Variants in IL1RAPL2 observed in about 807,000 individuals in gnomAD.
IL1RAPL2 encodes the protein interleukin 1 receptor accessory protein like 2.
A neutral mutation model predicts 44.1 loss-of-function variants in IL1RAPL2; 3 were observed. The ratio of observed to expected loss-of-function variants is 0.07; its 90% CI spans 0.03 to 0.18. IL1RAPL2 has a LOEUF of 0.18. IL1RAPL2 is among the 10% of genes least tolerant of loss of function. The pLI, the probability that IL1RAPL2 is intolerant of heterozygous loss-of-function variation, is 1.00. For synonymous variants in IL1RAPL2, 181 were observed against 178.8 expected (o/e 1.01, Z -0.10); for missense variants, 391 against 496.4 (o/e 0.79, Z 2.02).
intron 2 of IL1RAPL2, among the ~76,000 whole-genome samples, chrX:105,051,065 C>T (rs965460878): frequency 2.9e-4 from 33 of 112,661 alleles, no homozygotes; most frequent in African/African-American, 1.0e-3. Flanking sequence ...GTCCCCATTC[C>T]AGTGGGTCTG....
chrX:105,187,957 T>G (rs1444199327), intron 2 of IL1RAPL2, among the ~76,000 whole-genome samples: 1 of 111,595 alleles, frequency 9.0e-6, no homozygotes, highest in African/African-American at 3.3e-5. Flanking sequence ...CATAGAAACA[T>G]CATGTCATAT....
intron 3 of IL1RAPL2, among the ~76,000 whole-genome samples, chrX:105,197,631 C>T (rs2033682798): frequency 9.0e-6 from 1 of 111,536 alleles, no homozygotes; most frequent in Non-Finnish European, 1.9e-5. Context: ...TTTAATTATA[C>T]AAACATACTG....
chrX:104,841,040 C>T (rs1921889011), intron 2 of IL1RAPL2, among the ~76,000 whole-genome samples: 1 of 110,837 alleles, frequency 9.0e-6, no homozygotes, highest in South Asian at 3.8e-4. Flanking sequence ...TTGTAGGTCT[C>T]TAAGAACTTG....
chrX:104,977,287 C>G (rs2030356507), intron 2 of IL1RAPL2, among the ~76,000 whole-genome samples: 1 of 112,014 alleles, frequency 8.9e-6, no homozygotes, highest in Non-Finnish European at 1.9e-5. Flanking sequence ...AGCAGCAGGT[C>G]CCATTCAAGG....
At chrX:105,381,370 T>C (rs1349685982) in intron 5 of IL1RAPL2, among the ~76,000 whole-genome samples, 1 of 111,772 alleles carries the variant, frequency 8.9e-6, no homozygotes, top group Non-Finnish European at 1.9e-5. Context: ...TCTCTTCCTC[T>C]CGTATCTATC....
intron 2 of IL1RAPL2, among the ~76,000 whole-genome samples, chrX:105,120,073 A>G (rs1330777431): frequency 3.7e-5 from 4 of 109,551 alleles, no homozygotes; most frequent in African/African-American, 1.3e-4. Flanking sequence ...CAAGCCTCAA[A>G]CCCAGACAGT....
chrX:105,032,397 A>C (rs1451929914), intron 2 of IL1RAPL2, among the ~76,000 whole-genome samples: 5 of 107,978 alleles, frequency 4.6e-5, no homozygotes, highest in African/African-American at 1.7e-4. Context: ...CACTGCTTTG[A>C]ATGTGTCCCA....
intron 2 of IL1RAPL2, among the ~76,000 whole-genome samples, chrX:104,910,443 C>T (rs1214757566): frequency 8.9e-6 from 1 of 111,930 alleles, no homozygotes. Flanking sequence ...TAGGTATACA[C>T]ATGGCATGGT....
chrX:105,621,308 T>G (rs375981420), intron 6 of IL1RAPL2, among the ~76,000 whole-genome samples: 7 of 111,020 alleles, frequency 6.3e-5, no homozygotes, highest in African/African-American at 2.3e-4. Context: ...TCTCTGGAGG[T>G]TTTTAAGATA....
chrX:105,561,631 A>T (rs1412603040), intron 6 of IL1RAPL2, among the ~76,000 whole-genome samples: 1 of 111,785 alleles, frequency 8.9e-6, no homozygotes, highest in African/African-American at 3.3e-5. Flanking sequence ...GGTCATGCAT[A>T]TAAAGCATAT....
chrX:105,318,111 T>C (rs1304868907), intron 5 of IL1RAPL2, among the ~76,000 whole-genome samples: 2 of 110,110 alleles, frequency 1.8e-5, no homozygotes, highest in African/African-American at 6.6e-5. Flanking sequence ...TAGCTGGGAC[T>C]ACAGGCGCCC....
intron 2 of IL1RAPL2, among the ~76,000 whole-genome samples, chrX:105,043,184 T>A (rs773453187): frequency 2.8e-5 from 3 of 108,997 alleles, no homozygotes; most frequent in African/African-American, 1.0e-4. Context: ...CATATGTAAC[T>A]AACCTGCACA....
chrX:105,372,578 A>G (rs927156427), intron 5 of IL1RAPL2, among the ~76,000 whole-genome samples: 1 of 111,344 alleles, frequency 9.0e-6, no homozygotes, highest in Non-Finnish European at 1.9e-5. Context: ...TTCTTCACCC[A>G]GGTATTAAGC....
At chrX:105,255,259 C>G (rs1277117000) in intron 4 of IL1RAPL2, among the ~76,000 whole-genome samples, 10 of 111,493 alleles carry the variant, frequency 9.0e-5, no homozygotes. Context: ...TCTTTCACCT[C>G]TCTGGTTAGC....
chrX:105,074,582 T>G (rs1442545466), intron 2 of IL1RAPL2, among the ~76,000 whole-genome samples: 2 of 107,645 alleles, frequency 1.9e-5, no homozygotes, highest in African/African-American at 6.8e-5. Context: ...GTGAAGAAAG[T>G]CATTGGTAGC....
At chrX:104,911,227 C>G (rs1924228579) in intron 2 of IL1RAPL2, among the ~76,000 whole-genome samples, 1 of 111,449 alleles carries the variant, frequency 9.0e-6, no homozygotes, top group Non-Finnish European at 1.9e-5. Flanking sequence ...CTCTAACTGT[C>G]AAGAATTAAA....
chrX:105,628,557 A>T (rs2037470341), intron 6 of IL1RAPL2, among the ~76,000 whole-genome samples: 2 of 112,691 alleles, frequency 1.8e-5, no homozygotes, highest in Admixed American at 1.9e-4. Context: ...CAAAGGGAGA[A>T]TTCCCAAGAA....
At chrX:105,040,188 G>A (rs1018327101) in intron 2 of IL1RAPL2, among the ~76,000 whole-genome samples, 7 of 111,282 alleles carry the variant, frequency 6.3e-5, no homozygotes, top group Admixed American at 3.8e-4. Flanking sequence ...TATATTTATC[G>A]ATTTGCGTAT....
chrX:105,005,163 C>A (rs1243232671), intron 2 of IL1RAPL2, among the ~76,000 whole-genome samples: 1 of 110,895 alleles, frequency 9.0e-6, no homozygotes, highest in Non-Finnish European at 1.9e-5. Context: ...TTTTGTGAAA[C>A]CTATTCCCTC....
Sources: gnomAD v4.1 joint callset for allele counts (sites outside exome capture counted in the v4.1 genomes callset) on GRCh38, gnomAD v4.1.1 for gene constraint, MANE v1.5 for transcripts, NCBI Gene and HGNC (gene_info 2026-07-23, HGNC 2026-07-21) for gene names.